HERC1: variants seen among roughly 807,000 people sequenced by gnomAD.
HERC1 encodes the protein HECT and RLD domain containing E3 ubiquitin protein ligase family member 1.
HERC1 carries 160 observed loss-of-function variants against 554.3 expected under a neutral mutation model. The ratio of observed to expected loss-of-function variants is 0.29; its 90% CI spans 0.25 to 0.33. The LOEUF is 0.33. HERC1 is among the 10% of genes least tolerant of loss of function. The pLI is 1.00. For missense variants in HERC1, 4,919 were observed against 5,918.5 expected (o/e 0.83, Z 5.54); for synonymous variants, 2,175 against 2,131.7 (o/e 1.02, Z -0.56).
chr15:63,658,753 G>A (rs1177946086), intron 47 of HERC1, 35 bp from the exon 48 acceptor site: 3 of 1,549,416 alleles, frequency 1.9e-6, no homozygotes, highest in Middle Eastern at 1.7e-4. Context: ...TCTCAACAAG[G>A]TAAGAAAAAA....
At chr15:63,737,193 T>A (rs1462648655) in intron 12 of HERC1, among the ~76,000 whole-genome samples, 1 of 150,786 alleles carries the variant, frequency 6.6e-6, no homozygotes, top group Non-Finnish European at 1.5e-5. Flanking sequence ...TTAAATTTCT[T>A]ATAAAGCAGA....
At chr15:63,735,393 G>A (rs2141117447) in intron 12 of HERC1, among the ~76,000 whole-genome samples, 1 of 114,390 alleles carries the variant, frequency 8.7e-6, no homozygotes, top group Non-Finnish European at 1.7e-5. Flanking sequence ...GGGGCCTGTT[G>A]TGGGGTGGGG....
rs141933666 is a variant in HERC1 at position 63,815,005 on chromosome 15, C to A, written c.-27+18822G>T. The stretch of plus-strand genomic sequence containing the variant: ...GTGGGGTCCTAAATGAGTTCCAAAG[C>A]ATTTCTAAATCTGAAATTCTGTATT... On this transcript the variant is annotated intron_variant, in intron 1 of 77. Coordinates refer to ENST00000443617, the MANE Select transcript of HERC1 (RefSeq NM_003922.4). Among the ~76,000 whole-genome samples, 171 of 152,302 alleles carry A rather than the reference C, an allele frequency of 1.1e-3. 1 individual carries two copies. Among genetic ancestry groups the A allele is most frequent in the African/African-American group, 3.9e-3 (162 of 41,564 alleles).
At chr15:63,781,536 C>T (rs974128939) in intron 1 of HERC1, among the ~76,000 whole-genome samples, 1 of 152,138 alleles carries the variant, frequency 6.6e-6, no homozygotes, top group Non-Finnish European at 1.5e-5. Flanking sequence ...CAAACTTAAT[C>T]GATAAATGGT....
chr15:63,797,173 A>C (rs772280868), intron 1 of HERC1, among the ~76,000 whole-genome samples: 1 of 152,240 alleles, frequency 6.6e-6, no homozygotes, highest in Non-Finnish European at 1.5e-5. Flanking sequence ...CCACCTTCAT[A>C]AAACTAATGA....
intron 12 of HERC1, among the ~76,000 whole-genome samples, chr15:63,743,249 C>CTT (rs1260773975): frequency 8.0e-6 from 1 of 125,410 alleles, no homozygotes; most frequent in African/African-American, 2.9e-5. Flanking sequence ...CTTTTTTTTT[C>CTT]TTTTTTTCTT....
chr15:63,622,535 G>A (rs948484421), intron 74 of HERC1, among the ~76,000 whole-genome samples: 1 of 151,910 alleles, frequency 6.6e-6, no homozygotes, highest in Non-Finnish European at 1.5e-5. Flanking sequence ...GTTTCACCAT[G>A]TTGGCCAGGC....
chr15:63,746,815 A>C (rs763066065), intron 12 of HERC1, 103 bp downstream of exon 12: 1 of 1,012,826 alleles, frequency 9.9e-7, no homozygotes, highest in Non-Finnish European at 1.4e-6. Flanking sequence ...GGGAAACAAC[A>C]TCCAATTGAA....
At chr15:63,773,444 C>CA (rs370465670) in intron 2 of HERC1, among the ~76,000 whole-genome samples, 12,533 of 72,778 alleles carry the variant, frequency 0.17, 884 homozygotes, top group Non-Finnish European at 0.23. Flanking sequence ...GACTCTGTCT[C>CA]AAAAAAAAAA....
chr15:63,801,614 A>C (rs2076990728), intron 1 of HERC1, among the ~76,000 whole-genome samples: 1 of 152,240 alleles, frequency 6.6e-6, no homozygotes, highest in Non-Finnish European at 1.5e-5. Context: ...TAAAGCACAT[A>C]GAGGGAGCTC....
At chr15:63,706,250 T>G (rs1443117530) in intron 25 of HERC1, among the ~76,000 whole-genome samples, 1 of 152,052 alleles carries the variant, frequency 6.6e-6, no homozygotes, top group Non-Finnish European at 1.5e-5. Context: ...ATATTTTTTA[T>G]GTAAGAGATA....
chr15:63,823,600 G>C lies in HERC1; in HGVS notation c.-27+10227C>G, dbSNP rs952194302. 6.6e-5 allele frequency among the ~76,000 whole-genome samples: 10 copies of C among 152,242 alleles called. 1 individual carries two copies. In the East Asian group the frequency reaches 1.7e-3, roughly 26 times the overall value. Reference sequence around the variant, plus strand: ...GAACCTCAGAACATTGACAATGGTCGGAGTGGATACTTTCTCAATTCTCAC... The same window carrying C: ...GAACCTCAGAACATTGACAATGGTCCGAGTGGATACTTTCTCAATTCTCAC... On this transcript the variant is annotated intron_variant, in intron 1 of 77. Transcript: ENST00000443617.
chr15:63,711,984 G>T (rs543493509), intron 24 of HERC1, among the ~76,000 whole-genome samples: 1 of 152,128 alleles, frequency 6.6e-6, no homozygotes, highest in Non-Finnish European at 1.5e-5. Context: ...GATAGTTTTC[G>T]CTTTATATTT....
chr15:63,802,174 C>G (rs1395058027), intron 1 of HERC1, among the ~76,000 whole-genome samples: 2 of 152,172 alleles, frequency 1.3e-5, no homozygotes, highest in East Asian at 3.8e-4. Flanking sequence ...GCCACATGTA[C>G]TTCTAGAAGG....
At chr15:63,624,036 G>A (rs185457704) in intron 72 of HERC1, 122 bp downstream of exon 72, 229 of 1,227,476 alleles carry the variant, frequency 1.9e-4, no homozygotes, top group Non-Finnish European at 2.5e-4. Flanking sequence ...AGGTACTAAT[G>A]TAAGTACTAT....
intron 1 of HERC1, among the ~76,000 whole-genome samples, chr15:63,814,661 G>A (rs747524091): frequency 1.3e-5 from 2 of 152,038 alleles, no homozygotes; most frequent in Admixed American, 6.5e-5. Context: ...TAGAGACAGG[G>A]TTTTGCCATG....
chr15:63,715,895 A>T (rs1356044826), intron 22 of HERC1, among the ~76,000 whole-genome samples: 1 of 152,214 alleles, frequency 6.6e-6, no homozygotes, highest in African/African-American at 2.4e-5. Flanking sequence ...GAAGTTCCAC[A>T]CGTGGAAAAC....
At chr15:63,623,370 C>T (rs2068167564) in intron 73 of HERC1, among the ~76,000 whole-genome samples, 1 of 152,188 alleles carries the variant, frequency 6.6e-6, no homozygotes, top group Admixed American at 6.5e-5. Flanking sequence ...GGCAGTTCTA[C>T]TTTGTTCTAA....
intron 1 of HERC1, among the ~76,000 whole-genome samples, chr15:63,793,370 C>T (rs2076712179): frequency 6.6e-6 from 1 of 152,240 alleles, no homozygotes; most frequent in African/African-American, 2.4e-5. Flanking sequence ...CCATACTGCT[C>T]ATTATACACT....
Sources: gnomAD v4.1 joint callset for allele counts (sites outside exome capture counted in the v4.1 genomes callset) on GRCh38, gnomAD v4.1.1 for gene constraint, MANE v1.5 for transcripts, NCBI Gene and HGNC (gene_info 2026-07-23, HGNC 2026-07-21) for gene names.